The following RB1 variants were observed in gnomAD, a reference collection of about 807,000 sequenced individuals.
The protein encoded by RB1 is retinoblastoma-associated protein.
RB1 carries 18 observed loss-of-function variants against 135.4 expected under a neutral mutation model. The observed-to-expected ratio is 0.13, with a 90% CI of 0.09 to 0.20. The LOEUF (loss-of-function observed/expected upper bound fraction) is 0.20. RB1 is among the 10% of genes least tolerant of loss of function. The pLI, the probability that RB1 is intolerant of heterozygous loss-of-function variation, is 1.00. For synonymous variants in RB1, 365 were observed against 373.2 expected (o/e 0.98, Z 0.25); for missense variants, 868 against 1,110.0 (o/e 0.78, Z 3.10).
At chr13:48,462,031 T>G (rs1159737004) in intron 20 of RB1, among the ~76,000 whole-genome samples, 1 of 151,890 alleles carries the variant, frequency 6.6e-6, no homozygotes, top group Admixed American at 6.6e-5. Context: ...CGGGGTTTCA[T>G]TATGTTGGTC....
At chr13:48,304,727 T>G (rs971956982) in intron 1 of RB1, among the ~76,000 whole-genome samples, 8 of 152,196 alleles carry the variant, frequency 5.3e-5, no homozygotes, top group Non-Finnish European at 1.2e-4. Context: ...AAAACTTTCA[T>G]GAGACATTTA....
intron 17 of RB1, among the ~76,000 whole-genome samples, chr13:48,405,977 A>G (rs539963035): frequency 1.3e-4 from 20 of 152,278 alleles, no homozygotes; most frequent in Admixed American, 2.0e-4. Context: ...TCTCATTATT[A>G]CAGCTGCATA....
chr13:48,407,085 T>C (rs1948746814), intron 17 of RB1, among the ~76,000 whole-genome samples: 1 of 152,226 alleles, frequency 6.6e-6, no homozygotes. Flanking sequence ...AGGACGATAA[T>C]GGAACCTAGC....
chr13:48,366,812 T>A, intron 9 of RB1, among the ~76,000 whole-genome samples: 1 of 152,106 alleles, frequency 6.6e-6, no homozygotes, highest in Non-Finnish European at 1.5e-5. Context: ...TATTTTATAT[T>A]GATAAGCATA....
chr13:48,318,869 G>T, intron 2 of RB1: 2 of 1,125,464 alleles, frequency 1.8e-6, no homozygotes, highest in Non-Finnish European at 2.7e-6. Flanking sequence ...GGGTCAAAAC[G>T]TCTGGATTTC....
chr13:48,427,107 CT>C (rs1432784594), intron 17 of RB1, among the ~76,000 whole-genome samples: 2 of 152,228 alleles, frequency 1.3e-5, no homozygotes, highest in African/African-American at 2.4e-5. Flanking sequence ...ATCCACCCCC[CT>C]GATGTAGTCA....
chr13:48,339,579 C>T (rs529461679), intron 2 of RB1, among the ~76,000 whole-genome samples: 1 of 152,302 alleles, frequency 6.6e-6, no homozygotes, highest in African/African-American at 2.4e-5. Context: ...GTCACAGCTT[C>T]CCTTGGCTAG....
chr13:48,363,025 A>T (rs2138113157), intron 8 of RB1, 68 bp downstream of exon 8: 1 of 1,569,636 alleles, frequency 6.4e-7, no homozygotes, highest in African/African-American at 1.4e-5. Flanking sequence ...CCCTAACAAT[A>T]TTTACTTCTT....
intron 20 of RB1, among the ~76,000 whole-genome samples, chr13:48,460,179 G>T (rs1393344295): frequency 4.0e-5 from 6 of 151,396 alleles, no homozygotes; most frequent in African/African-American, 1.5e-4. Context: ...ATGTTGGCCA[G>T]GCTGGTCTCA....
At chr13:48,377,221 C>T (rs1477444066) in intron 13 of RB1, among the ~76,000 whole-genome samples, 187 bp downstream of exon 13, 3 of 152,044 alleles carry the variant, frequency 2.0e-5, no homozygotes, top group Non-Finnish European at 2.9e-5. Flanking sequence ...CCTCCCACCC[C>T]ATTATAAAAA....
chr13:48,372,637 C>T (rs1952772206), intron 11 of RB1, among the ~76,000 whole-genome samples: 3 of 149,094 alleles, frequency 2.0e-5, no homozygotes, highest in Admixed American at 2.0e-4. Context: ...GGCGACAGAG[C>T]AAGGCTCCTT....
intron 17 of RB1, among the ~76,000 whole-genome samples, chr13:48,382,027 A>G (rs566362688): frequency 2.6e-5 from 4 of 152,218 alleles, no homozygotes; most frequent in Admixed American, 2.6e-4. Flanking sequence ...ACATGAACTC[A>G]TCCTTTTTTA....
At chr13:48,364,751 T>C (rs575807106) in intron 8 of RB1, 143 bp from the exon 9 acceptor site, 2 of 947,000 alleles carry the variant, frequency 2.1e-6, no homozygotes, top group African/African-American at 3.4e-5. Context: ...TCTAAGAAAA[T>C]AATAAAAAAT....
At chr13:48,403,874 C>T (rs1279625833) in intron 17 of RB1, among the ~76,000 whole-genome samples, 1 of 152,022 alleles carries the variant, frequency 6.6e-6, no homozygotes, top group African/African-American at 2.4e-5. Flanking sequence ...AAAAATGCAC[C>T]TCTGTAGTCC....
At chr13:48,375,744 AATT>A (rs1166027860) in intron 12 of RB1, among the ~76,000 whole-genome samples, 1 of 151,380 alleles carries the variant, frequency 6.6e-6, no homozygotes, top group African/African-American at 2.4e-5. Flanking sequence ...ATGTCCAGCT[AATT>A]ATTGTAATTT....
At chr13:48,398,768 A>G (rs1200928593) in intron 17 of RB1, among the ~76,000 whole-genome samples, 1 of 152,098 alleles carries the variant, frequency 6.6e-6, no homozygotes, top group Admixed American at 6.6e-5. Flanking sequence ...AGTCAGGCAT[A>G]TGGGACAGTA....
At chr13:48,310,530 T>G (rs1300157744) in intron 2 of RB1, among the ~76,000 whole-genome samples, 1 of 152,190 alleles carries the variant, frequency 6.6e-6, no homozygotes, top group Non-Finnish European at 1.5e-5. Context: ...ATGTGCAGAT[T>G]AAATAAATTA....
At chr13:48,394,145 A>G (rs1948630505) in intron 17 of RB1, among the ~76,000 whole-genome samples, 2 of 152,140 alleles carry the variant, frequency 1.3e-5, no homozygotes, top group African/African-American at 2.4e-5. Context: ...GGGAAGCACA[A>G]GGGGTTGGGG....
intron 17 of RB1, chr13:48,389,827 T>C (rs542999241): frequency 6.6e-6 from 1 of 152,308 alleles, no homozygotes; most frequent in African/African-American, 2.4e-5. Flanking sequence ...AGAGAGAAGA[T>C]AGGAGATTCA....
Sources: gnomAD v4.1 joint callset for allele counts (sites outside exome capture counted in the v4.1 genomes callset) on GRCh38, gnomAD v4.1.1 for gene constraint, MANE v1.5 for transcripts, NCBI Gene and HGNC (gene_info 2026-07-23, HGNC 2026-07-21) for gene names.